The following TASP1 variants were observed in gnomAD, a reference collection of about 807,000 sequenced individuals.
TASP1 encodes the protein threonine aspartase 1.
Under a neutral mutation model 56.6 loss-of-function variants are expected in TASP1, and 16 were observed. That is an observed-to-expected ratio of 0.28 (90% CI 0.19 to 0.43). TASP1 has a LOEUF of 0.43. Among genes scored for constraint, TASP1 ranks in the 20% least tolerant of loss-of-function variants. The probability of loss-of-function intolerance (pLI) is 1.00; values close to 1 mark genes in which losing one functional copy is unlikely to be tolerated. For missense variants in TASP1, 393 were observed against 511.6 expected, an observed-to-expected ratio of 0.77 and a Z score of 2.24; for synonymous variants, 179 against 184.2, an observed-to-expected ratio of 0.97 and a Z score of 0.23.
intron 11 of TASP1, among the ~76,000 whole-genome samples, chr20:13,472,644 A>C (rs1358752007): frequency 1.3e-5 from 2 of 151,150 alleles, no homozygotes; most frequent in Non-Finnish European, 2.9e-5. Flanking sequence ...ACAAGAAAAA[A>C]TCAAACAACC....
chr20:13,152,343 G>A, the TASP1 span, among the ~76,000 whole-genome samples: 7 of 152,144 alleles, frequency 4.6e-5, no homozygotes, highest in South Asian at 6.2e-4. Flanking sequence ...TCCTTTAGAG[G>A]CTACCTGATC....
chr20:13,128,399 C>A, the TASP1 span, among the ~76,000 whole-genome samples: 3 of 152,122 alleles, frequency 2.0e-5, no homozygotes, highest in Non-Finnish European at 2.9e-5. Context: ...TGCATCACAT[C>A]TAATACCAAT....
the TASP1 span, chr20:13,244,235 A>G: frequency 6.6e-6 from 1 of 152,220 alleles, no homozygotes; most frequent in South Asian, 2.1e-4. Flanking sequence ...CTAAAAGTCT[A>G]CAAGAGCAGG....
chr20:13,465,486 C>T (rs1053727552), intron 11 of TASP1, among the ~76,000 whole-genome samples: 2 of 151,612 alleles, frequency 1.3e-5, no homozygotes, highest in East Asian at 1.9e-4. Context: ...AAAACTCATG[C>T]GAACACAAAA....
At chr20:13,358,324 C>A in the TASP1 span, among the ~76,000 whole-genome samples, 2 of 152,198 alleles carry the variant, frequency 1.3e-5, no homozygotes, top group Non-Finnish European at 2.9e-5. Flanking sequence ...CACACGGACG[C>A]GCATGAAATT....
chr20:13,237,777 T>C, the TASP1 span: 1 of 152,242 alleles, frequency 6.6e-6, no homozygotes, highest in African/African-American at 2.4e-5. Context: ...TGGCTGATTT[T>C]CACTGGGAAA....
At chr20:13,569,440 CAG>C in intron 7 of TASP1, 65 bp downstream of exon 7, 1 of 1,261,456 alleles carries the variant, frequency 7.9e-7, no homozygotes, top group Non-Finnish European at 1.1e-6. Context: ...TGGGTCATAA[CAG>C]AAGCAATATT....
the TASP1 span, among the ~76,000 whole-genome samples, chr20:13,108,279 A>G: frequency 6.6e-6 from 1 of 152,240 alleles, no homozygotes; most frequent in African/African-American, 2.4e-5. Flanking sequence ...ACACACAAAT[A>G]TATTCACAAC....
intron 4 of TASP1, chr20:13,600,735 AAAGC>A (rs1333652857): frequency 6.6e-6 from 1 of 152,190 alleles, no homozygotes; most frequent in East Asian, 1.9e-4. Context: ...TTACTGTTCA[AAAGC>A]AATTAAAAAA....
chr20:13,131,526 C>T, the TASP1 span, among the ~76,000 whole-genome samples: 2 of 152,336 alleles, frequency 1.3e-5, no homozygotes, highest in African/African-American at 4.8e-5. Context: ...GCTTTATTCC[C>T]TTACTTCTGC....
At chr20:13,480,834 A>G (rs1460047176) in intron 11 of TASP1, among the ~76,000 whole-genome samples, 1 of 152,214 alleles carries the variant, frequency 6.6e-6, no homozygotes, top group Non-Finnish European at 1.5e-5. Context: ...GTGGGTACAC[A>G]GTAGGTATAC....
chr20:13,129,341 T>C, the TASP1 span, among the ~76,000 whole-genome samples: 1 of 152,178 alleles, frequency 6.6e-6, no homozygotes, highest in Admixed American at 6.5e-5. Context: ...TGAAGCGAGA[T>C]AGAGTGGCAT....
At chr20:13,267,818 AC>A in the TASP1 span, among the ~76,000 whole-genome samples, 18 of 152,174 alleles carry the variant, frequency 1.2e-4, no homozygotes, top group African/African-American at 4.1e-4. Context: ...CTCATTTTTA[AC>A]CTAATTAAAC....
the TASP1 span, chr20:13,300,770 G>T: frequency 6.6e-6 from 1 of 152,314 alleles, no homozygotes; most frequent in South Asian, 2.1e-4. Context: ...TTCATTGATT[G>T]ACATGATTGT....
At chr20:13,372,831 T>C in the TASP1 span, among the ~76,000 whole-genome samples, 1 of 152,094 alleles carries the variant, frequency 6.6e-6, no homozygotes, top group African/African-American at 2.4e-5. Flanking sequence ...GCTTACCATA[T>C]ACATCAGAAT....
intron 9 of TASP1, among the ~76,000 whole-genome samples, 167 bp from the exon 10 acceptor site, chr20:13,528,678 A>T (rs1165284412): frequency 1.3e-5 from 2 of 152,194 alleles, no homozygotes; most frequent in Admixed American, 6.5e-5. Context: ...TGCTTTTAAT[A>T]CTATCAAAAC....
At chr20:13,331,130 A>G in the TASP1 span, among the ~76,000 whole-genome samples, 1 of 152,156 alleles carries the variant, frequency 6.6e-6, no homozygotes, top group Non-Finnish European at 1.5e-5. Context: ...TAGTATAAGC[A>G]TTTAATGCTC....
At chr20:13,531,486 C>CT (rs148240627) in intron 9 of TASP1, among the ~76,000 whole-genome samples, 1,475 of 142,136 alleles carry the variant, frequency 0.01, 15 homozygotes, top group African/African-American at 0.024. Context: ...ATTTCTTATC[C>CT]TTTTTTTTTT....
At chr20:13,273,502 C>T in the TASP1 span, among the ~76,000 whole-genome samples, 9 of 152,108 alleles carry the variant, frequency 5.9e-5, no homozygotes, top group East Asian at 9.7e-4. Context: ...TCTCAAAATG[C>T]GGGGATTATA....
Sources: allele counts gnomAD v4.1 joint callset (sites outside exome capture counted in the v4.1 genomes callset), GRCh38; gene constraint gnomAD v4.1.1; transcripts MANE v1.5; gene names NCBI Gene and HGNC (gene_info 2026-07-23, HGNC 2026-07-21).